The following TMEM132C variants were observed in gnomAD, a reference collection of about 807,000 sequenced individuals.
TMEM132C encodes the protein protein phosphatase 1, regulatory subunit 152.
In TMEM132C, 29 loss-of-function variants were observed where a neutral mutation model predicts 61.4. That is an observed-to-expected ratio of 0.47 (90% CI 0.35 to 0.64). TMEM132C has a LOEUF of 0.64. Among genes scored for constraint, TMEM132C ranks in the 30% least tolerant of loss-of-function variants. TMEM132C has a pLI of 0.00. For synonymous variants in TMEM132C, 656 were observed against 633.1 expected (o/e 1.04, Z -0.54); for missense variants, 1,408 against 1,476.9 (o/e 0.95, Z 0.76).
chr12:128,610,473 G>T (rs1305210297), intron 3 of TMEM132C, among the ~76,000 whole-genome samples: 3 of 152,158 alleles, frequency 2.0e-5, no homozygotes, highest in Non-Finnish European at 2.9e-5. Flanking sequence ...GAATTCATTT[G>T]CTTTTGAGTA....
intron 1 of TMEM132C, among the ~76,000 whole-genome samples, chr12:128,322,474 G>A (rs982859346): frequency 1.3e-5 from 2 of 152,246 alleles, no homozygotes; most frequent in East Asian, 3.8e-4. Flanking sequence ...TAAGTTACTG[G>A]ACTACCTTCT....
chr12:128,639,117 A>G (rs1593129440), intron 4 of TMEM132C, among the ~76,000 whole-genome samples: 1 of 142,700 alleles, frequency 7.0e-6, no homozygotes, highest in South Asian at 2.4e-4. Context: ...GACAGTGGTG[A>G]TGATGATGAT....
At chr12:128,316,447 TC>T (rs1872156243) in intron 1 of TMEM132C, among the ~76,000 whole-genome samples, 1 of 152,190 alleles carries the variant, frequency 6.6e-6, no homozygotes, top group African/African-American at 2.4e-5. Context: ...ACGTTTCCAT[TC>T]CTGGGAAGGG....
intron 1 of TMEM132C, among the ~76,000 whole-genome samples, chr12:128,334,052 G>T (rs983877688): frequency 6.6e-6 from 1 of 151,994 alleles, no homozygotes. Context: ...AGGAAGGCAC[G>T]GGAGAAGGCC....
chr12:128,350,588 G>A (rs1873308128), intron 1 of TMEM132C, among the ~76,000 whole-genome samples: 2 of 152,072 alleles, frequency 1.3e-5, no homozygotes, highest in Admixed American at 6.6e-5. Flanking sequence ...CCATGTGGCT[G>A]GAGCAGAGTG....
intron 4 of TMEM132C, among the ~76,000 whole-genome samples, chr12:128,653,812 A>G (rs1472099067): frequency 6.6e-6 from 1 of 152,192 alleles, no homozygotes; most frequent in Non-Finnish European, 1.5e-5. Flanking sequence ...TTTTACTGCT[A>G]TAATGGTGCT....
intron 4 of TMEM132C, among the ~76,000 whole-genome samples, chr12:128,644,463 T>A (rs1248895000): frequency 1.3e-5 from 2 of 152,174 alleles, no homozygotes. Context: ...TATTTGGCCA[T>A]AAAGAAACCA....
intron 4 of TMEM132C, among the ~76,000 whole-genome samples, chr12:128,619,545 G>A (rs777633003): frequency 6.6e-6 from 1 of 152,202 alleles, no homozygotes; most frequent in Non-Finnish European, 1.5e-5. Context: ...CGTTTTGCTC[G>A]TCCTGCCTCC....
At chr12:128,564,452 G>A (rs1384007765) in intron 3 of TMEM132C, among the ~76,000 whole-genome samples, 1 of 152,142 alleles carries the variant, frequency 6.6e-6, no homozygotes, top group Non-Finnish European at 1.5e-5. Flanking sequence ...CCTGGCCTGG[G>A]GAGCGTCAAG....
At chr12:128,625,199 A>C (rs756448493) in intron 4 of TMEM132C, among the ~76,000 whole-genome samples, 27 of 152,210 alleles carry the variant, frequency 1.8e-4, no homozygotes, top group Non-Finnish European at 2.9e-4. Flanking sequence ...ATCATAGTCC[A>C]TTCCAGCTGC....
chr12:128,310,929 T>C (rs1871944424), intron 1 of TMEM132C, among the ~76,000 whole-genome samples: 1 of 152,162 alleles, frequency 6.6e-6, no homozygotes, highest in African/African-American at 2.4e-5. Context: ...ATGATGGAGA[T>C]CTCAAGTACA....
At chr12:128,301,180 G>A (rs554702409) in intron 1 of TMEM132C, among the ~76,000 whole-genome samples, 10 of 152,254 alleles carry the variant, frequency 6.6e-5, no homozygotes, top group African/African-American at 2.2e-4. Context: ...GGAGATGGAA[G>A]GCGAGGAAAG....
At chr12:128,345,102 T>C (rs1873109764) in intron 1 of TMEM132C, among the ~76,000 whole-genome samples, 2 of 151,966 alleles carry the variant, frequency 1.3e-5, no homozygotes, top group Admixed American at 6.6e-5. Flanking sequence ...TGTGTTGTTT[T>C]CCCCCCATGT....
chr12:128,428,938 T>A (rs1463430625), intron 2 of TMEM132C, among the ~76,000 whole-genome samples: 2 of 152,226 alleles, frequency 1.3e-5, no homozygotes, highest in African/African-American at 4.8e-5. Flanking sequence ...CCATTTTCAA[T>A]GCATTATTAT....
intron 3 of TMEM132C, among the ~76,000 whole-genome samples, chr12:128,578,587 T>C (rs1331100642): frequency 6.6e-6 from 1 of 151,682 alleles, no homozygotes; most frequent in Non-Finnish European, 1.5e-5. Flanking sequence ...ATTAAAGAGG[T>C]TTTTGTTGTT....
At chr12:128,324,638 T>A (rs1344507812) in intron 1 of TMEM132C, among the ~76,000 whole-genome samples, 1 of 152,144 alleles carries the variant, frequency 6.6e-6, no homozygotes, top group East Asian at 1.9e-4. Context: ...GGCGGGACGA[T>A]CACCTGAGCT....
intron 2 of TMEM132C, among the ~76,000 whole-genome samples, chr12:128,434,865 G>T (rs1373509394): frequency 1.3e-5 from 2 of 151,618 alleles, no homozygotes; most frequent in Admixed American, 1.3e-4. Context: ...CAGGCAATCT[G>T]CCTGCCTCGA....
At chr12:128,498,594 G>A (rs756369556) in intron 2 of TMEM132C, among the ~76,000 whole-genome samples, 5 of 152,078 alleles carry the variant, frequency 3.3e-5, no homozygotes, top group Non-Finnish European at 5.9e-5. Context: ...AGAATTGCTT[G>A]AACCTGGGAG....
intron 1 of TMEM132C, among the ~76,000 whole-genome samples, chr12:128,315,826 A>C (rs1872134222): frequency 6.6e-6 from 1 of 151,748 alleles, no homozygotes; most frequent in Non-Finnish European, 1.5e-5. Context: ...CACGCAGTGA[A>C]GAAAACAGAG....
Sources: allele counts gnomAD v4.1 joint callset (sites outside exome capture counted in the v4.1 genomes callset), GRCh38; gene constraint gnomAD v4.1.1; transcripts MANE v1.5; gene names NCBI Gene and HGNC (gene_info 2026-07-23, HGNC 2026-07-21).